Variants in MARCHF8 observed in about 807,000 individuals in gnomAD.
MARCHF8 encodes the protein E3 ubiquitin-protein ligase MARCHF8.
A neutral mutation model predicts 51.6 loss-of-function variants in MARCHF8; 40 were observed. The observed-to-expected ratio is 0.77, with a 90% confidence interval of 0.60 to 1.01. The LOEUF (loss-of-function observed/expected upper bound fraction) is 1.01. Ranked by LOEUF, MARCHF8 falls within the 50% of genes least tolerant of loss-of-function variation. The probability of loss-of-function intolerance (pLI) is 0.00; values close to 1 mark genes in which losing one functional copy is unlikely to be tolerated. For missense variants in MARCHF8, 685 were observed against 708.6 expected (o/e 0.97, Z 0.38); for synonymous variants, 263 against 280.3 (o/e 0.94, Z 0.62).
rs368459112 is a variant in MARCHF8 at position 45,501,223 on chromosome 10, A to G, written c.103-11806T>C. On this transcript the variant is annotated intron_variant, in intron 2 of 7. Transcript: ENST00000453424. ...AACTAGAATACTTAAAACAATCCTA[A>G]AGAATCCTAAAAGAATAAAAAAACT... is the stretch of plus-strand genomic sequence containing the variant. 5.9e-5 allele frequency among the ~76,000 whole-genome samples: 9 copies of G among 152,044 alleles called. No individual in the cohort carries two copies. In the East Asian group the frequency reaches 1.7e-3, roughly 29 times the overall value.
intron 2 of MARCHF8, among the ~76,000 whole-genome samples, chr10:45,501,663 C>T (rs772953940): frequency 2.6e-5 from 4 of 152,010 alleles, no homozygotes; most frequent in African/African-American, 9.7e-5. Context: ...AAATCAGAAA[C>T]GTTTGCTCCA....
chr10:45,493,414 C>T (rs1166080284), intron 2 of MARCHF8, among the ~76,000 whole-genome samples: 2 of 152,206 alleles, frequency 1.3e-5, no homozygotes, highest in African/African-American at 2.4e-5. Context: ...CTGCATCTTC[C>T]TTCCTTCCTC....
intron 1 of MARCHF8, among the ~76,000 whole-genome samples, chr10:45,547,389 T>G (rs983503585): frequency 6.6e-6 from 1 of 152,138 alleles, no homozygotes; most frequent in Non-Finnish European, 1.5e-5. Flanking sequence ...TGCCCAAGCT[T>G]TCACAGCCAT....
chr10:45,528,647 G>A (rs1333032520), intron 2 of MARCHF8, among the ~76,000 whole-genome samples: 1 of 152,126 alleles, frequency 6.6e-6, no homozygotes, highest in Non-Finnish European at 1.5e-5. Context: ...TTTTTGTTGT[G>A]AGGAGGAATC....
chr10:45,563,986 TAA>T (rs2044337651), intron 1 of MARCHF8, among the ~76,000 whole-genome samples: 1 of 152,130 alleles, frequency 6.6e-6, no homozygotes, highest in East Asian at 1.9e-4. Context: ...AGCAAAGAAA[TAA>T]AAAGTGGCTA....
intron 1 of MARCHF8, among the ~76,000 whole-genome samples, chr10:45,562,496 A>T (rs913133324): frequency 6.6e-6 from 1 of 152,212 alleles, no homozygotes; most frequent in Non-Finnish European, 1.5e-5. Flanking sequence ...TCTTCGAAGT[A>T]TCAAGGAAAC....
intron 3 of MARCHF8, among the ~76,000 whole-genome samples, chr10:45,479,377 A>ATT (rs2042844697): frequency 6.6e-6 from 1 of 152,234 alleles, no homozygotes; most frequent in African/African-American, 2.4e-5. Context: ...ACAAACCCAC[A>ATT]GCTAACATAA....
chr10:45,549,966 T>TA (rs1351361559), intron 1 of MARCHF8, among the ~76,000 whole-genome samples: 2 of 152,166 alleles, frequency 1.3e-5, no homozygotes, highest in African/African-American at 4.8e-5. Flanking sequence ...GGTACTCTGT[T>TA]ACAGCAGCAC....
chr10:45,588,554 T>TTA (rs1235945280), intron 1 of MARCHF8, among the ~76,000 whole-genome samples: 2 of 152,220 alleles, frequency 1.3e-5, no homozygotes, highest in African/African-American at 4.8e-5. Flanking sequence ...AAGACTTGTA[T>TTA]TATACAGAGA....
In MARCHF8 at chr10:45,458,323, AT is replaced by A; in HGVS notation, c.1637del (p.His546LeufsTer69). The stretch of plus-strand genomic sequence containing the variant: ...TGTCGGAATGACAGATTCCATATCC[AT>A]GTTTATTTTCAAAGTTGGGCTCTGT... ...PLTEPNFENKHGYGICHSDTN... is the reference protein window; with the variant it reads ...PLTEPNFENKXGYGICHSDTN... On this transcript the variant is annotated frameshift_variant, in exon 8 of 8. Coordinates refer to ENST00000453424, the MANE Select transcript of MARCHF8 (RefSeq NM_001282866.2). LOFTEE classifies it high-confidence loss of function. 1 of 1,614,146 alleles carries A rather than the reference AT, an allele frequency of 6.2e-7. No homozygotes were observed. Among genetic ancestry groups the A allele is most frequent in the Non-Finnish European group, 8.5e-7 (1 of 1,180,026 alleles).
chr10:45,477,513 A>G (rs1469613200), intron 3 of MARCHF8, among the ~76,000 whole-genome samples: 2 of 152,224 alleles, frequency 1.3e-5, no homozygotes, highest in Non-Finnish European at 2.9e-5. Flanking sequence ...GAAACAAAGG[A>G]TATACAAAAC....
intron 1 of MARCHF8, among the ~76,000 whole-genome samples, chr10:45,574,626 TG>T (rs967429050): frequency 6.6e-6 from 1 of 152,188 alleles, no homozygotes; most frequent in Non-Finnish European, 1.5e-5. Context: ...ACACAAGAGC[TG>T]GGACCGCGCC....
At chr10:45,468,096 GATAA>G (rs1341386554) in intron 3 of MARCHF8, among the ~76,000 whole-genome samples, 1 of 152,136 alleles carries the variant, frequency 6.6e-6, no homozygotes, top group Non-Finnish European at 1.5e-5. Context: ...TCTTAGAAAT[GATAA>G]ATACTTTTTG....
At chr10:45,547,024 A>T (rs199833211) in intron 1 of MARCHF8, among the ~76,000 whole-genome samples, 2 of 152,060 alleles carry the variant, frequency 1.3e-5, no homozygotes, top group East Asian at 3.9e-4. Context: ...GGAGTTCTAG[A>T]CTGGCCTGGG....
At chr10:45,530,264 T>C (rs72798212) in intron 2 of MARCHF8, among the ~76,000 whole-genome samples, 4,745 of 152,154 alleles carry the variant, frequency 0.031, 99 homozygotes, top group Non-Finnish European at 0.046. Flanking sequence ...AATAATAACA[T>C]TGGAGACTCA....
chr10:45,540,719 C>A (rs572134157), intron 1 of MARCHF8, among the ~76,000 whole-genome samples: 59 of 152,134 alleles, frequency 3.9e-4, no homozygotes, highest in African/African-American at 1.3e-3. Context: ...AACAAATTTA[C>A]AAGAAAAAAA....
intron 3 of MARCHF8, among the ~76,000 whole-genome samples, chr10:45,482,367 G>A (rs2042903601): frequency 6.6e-6 from 1 of 152,116 alleles, no homozygotes; most frequent in Admixed American, 6.5e-5. Context: ...ACAATCCTAA[G>A]AAAAACAAAC....
At position 45,483,933 on chromosome 10, in the gene MARCHF8, T is replaced by C. The variant is rs531807452; in HGVS notation, c.153+5434A>G. ...GGCAGGAGTGGGGGATAAAGAGAGA[T>C]TGGTTAATGGGTACAAAAATACAGT... On this transcript the variant is annotated intron_variant, in intron 3 of 7. Coordinates refer to ENST00000453424, the MANE Select transcript of MARCHF8 (RefSeq NM_001282866.2). Among the ~76,000 whole-genome samples the C allele has an allele frequency of 1.5e-4, 23 of 152,190 alleles. No homozygotes were observed. In the East Asian group the frequency reaches 4.4e-3, roughly 29 times the overall value.
chr10:45,513,352 GA>G (rs2043565532), intron 2 of MARCHF8, among the ~76,000 whole-genome samples: 1 of 152,096 alleles, frequency 6.6e-6, no homozygotes, highest in African/African-American at 2.4e-5. Flanking sequence ...TACTCATTCA[GA>G]AACACGTTTA....
Sources: gnomAD v4.1 joint callset for allele counts (sites outside exome capture counted in the v4.1 genomes callset) on GRCh38, gnomAD v4.1.1 for gene constraint, MANE v1.5 for transcripts, NCBI Gene and HGNC (gene_info 2026-07-23, HGNC 2026-07-21) for gene names.